The following PLEKHM3 variants were observed in gnomAD, a reference collection of about 807,000 sequenced individuals.
The protein encoded by PLEKHM3 is pleckstrin homology domain-containing family M member 3.
Under a neutral mutation model 81.8 loss-of-function variants are expected in PLEKHM3, and 45 were observed. The observed-to-expected ratio is 0.55, with a 90% CI of 0.43 to 0.71. The LOEUF is 0.71. PLEKHM3 is among the 30% of genes least tolerant of loss of function. PLEKHM3 has a pLI of 0.00. For missense variants in PLEKHM3, 788 were observed against 924.3 expected (o/e 0.85, Z 1.91); for synonymous variants, 352 against 356.4 (o/e 0.99, Z 0.14).
chr2:207,992,558 T>A (rs1691932963), intron 2 of PLEKHM3, among the ~76,000 whole-genome samples: 1 of 152,148 alleles, frequency 6.6e-6, no homozygotes, highest in Non-Finnish European at 1.5e-5. Flanking sequence ...TAAGCACCAA[T>A]ACACAGAATT....
At chr2:207,835,147 G>A (rs537621052) in intron 7 of PLEKHM3, among the ~76,000 whole-genome samples, 22 of 151,942 alleles carry the variant, frequency 1.4e-4, no homozygotes, top group Non-Finnish European at 1.5e-4. Flanking sequence ...GTTTCACCAC[G>A]TTGGCCAGGC....
intron 3 of PLEKHM3, among the ~76,000 whole-genome samples, chr2:207,964,314 A>G (rs1274067665): frequency 6.6e-6 from 1 of 152,178 alleles, no homozygotes; most frequent in African/African-American, 2.4e-5. Flanking sequence ...AGAGATTCTG[A>G]TTTCAACAGG....
At chr2:207,849,922 AT>A (rs1375597664) in intron 7 of PLEKHM3, among the ~76,000 whole-genome samples, 1 of 152,180 alleles carries the variant, frequency 6.6e-6, no homozygotes, top group African/African-American at 2.4e-5. Context: ...ACAGGGAAAC[AT>A]TTTTTTAAAA....
intron 6 of PLEKHM3, among the ~76,000 whole-genome samples, chr2:207,889,523 T>C (rs1687988287): frequency 6.6e-6 from 1 of 150,788 alleles, no homozygotes; most frequent in Non-Finnish European, 1.5e-5. Flanking sequence ...GAATCATCTG[T>C]TCTGCTCTCA....
chr2:207,918,287 C>T (rs1689061402), intron 5 of PLEKHM3, among the ~76,000 whole-genome samples: 1 of 152,174 alleles, frequency 6.6e-6, no homozygotes, highest in Non-Finnish European at 1.5e-5. Context: ...CTTTGGGAGG[C>T]TGAGGTGGGT....
At chr2:207,889,076 G>C (rs192780354) in intron 6 of PLEKHM3, among the ~76,000 whole-genome samples, 2 of 152,268 alleles carry the variant, frequency 1.3e-5, no homozygotes, top group Admixed American at 1.3e-4. Context: ...ACTTTGTGGT[G>C]ATCTGAATGG....
At position 207,828,304 on chromosome 2, in the gene PLEKHM3, T is replaced by C. The variant is rs371655937; in HGVS notation, c.*15A>G. On this transcript the variant is annotated 3_prime_UTR_variant, in exon 8 of 8. Transcript: ENST00000427836. Reference sequence around the variant, plus strand: ...TTGTTGATTGGTGAATCCCTGGCCTTCGGGTCGGCTGGAGTCAGGTGTTCT... The same window carrying C: ...TTGTTGATTGGTGAATCCCTGGCCTCCGGGTCGGCTGGAGTCAGGTGTTCT... The C allele has an allele frequency of 5.6e-6, 9 of 1,600,478 alleles. No homozygotes were observed. Among genetic ancestry groups the C allele is most frequent in the Non-Finnish European group, 7.7e-6 (9 of 1,172,036 alleles).
rs1350688141 is a variant in PLEKHM3, at chr2:207,904,810, T to C, written c.1950+3704A>G. On this transcript the variant is annotated intron_variant, in intron 6 of 7. Coordinates refer to ENST00000427836, the MANE Select transcript of PLEKHM3 (RefSeq NM_001080475.3). The stretch of plus-strand genomic sequence containing the variant: ...GGTAGCTTGAAATCTTCAGCCAAAT[T>C]GTTAAATTGAGTCTATCTGCTAAAA... Among the ~76,000 whole-genome samples the C allele has an allele frequency of 2.0e-5, 3 of 152,228 alleles. No individual in the cohort carries two copies. In the East Asian group the frequency reaches 5.8e-4, roughly 29 times the overall value.
chr2:207,927,076 C>T (rs962760076), intron 5 of PLEKHM3, among the ~76,000 whole-genome samples: 2 of 152,138 alleles, frequency 1.3e-5, no homozygotes, highest in Non-Finnish European at 2.9e-5. Flanking sequence ...ATGCCTTTTA[C>T]GACTAGATAA....
chr2:208,010,003 C>T (rs146940351), intron 1 of PLEKHM3, among the ~76,000 whole-genome samples: 1 of 152,312 alleles, frequency 6.6e-6, no homozygotes, highest in East Asian at 1.9e-4. Context: ...AAACCTCACT[C>T]AGACCTTTTA....
chr2:207,949,093 C>T (rs917091064), intron 3 of PLEKHM3, among the ~76,000 whole-genome samples: 1 of 152,222 alleles, frequency 6.6e-6, no homozygotes, highest in Non-Finnish European at 1.5e-5. Context: ...TGTACACTCA[C>T]ATAAACTGTA....
intron 7 of PLEKHM3, among the ~76,000 whole-genome samples, chr2:207,850,185 T>A (rs1303281400): frequency 1.3e-5 from 2 of 152,160 alleles, no homozygotes; most frequent in African/African-American, 4.8e-5. Flanking sequence ...AACGACCTCA[T>A]CACCTCTTAA....
At chr2:207,931,270 T>C in intron 4 of PLEKHM3, 151 bp from the exon 5 acceptor site, 1 of 771,520 alleles carries the variant, frequency 1.3e-6, no homozygotes, top group Admixed American at 3.5e-5. Flanking sequence ...TAAATGTAAA[T>C]TTTGACTTCT....
chr2:208,011,457 C>T (rs570852068), intron 1 of PLEKHM3, among the ~76,000 whole-genome samples: 12 of 152,192 alleles, frequency 7.9e-5, no homozygotes, highest in Admixed American at 2.6e-4. Context: ...ATGGCATTTA[C>T]AGCAACCTGG....
At chr2:207,934,814 G>A (rs1689694454) in intron 4 of PLEKHM3, among the ~76,000 whole-genome samples, 1 of 152,100 alleles carries the variant, frequency 6.6e-6, no homozygotes, top group Non-Finnish European at 1.5e-5. Flanking sequence ...GTATAGATTC[G>A]AACATAATAC....
At chr2:207,996,559 A>C (rs1692127388) in intron 2 of PLEKHM3, among the ~76,000 whole-genome samples, 1 of 152,226 alleles carries the variant, frequency 6.6e-6, no homozygotes, top group East Asian at 1.9e-4. Context: ...TCAGGTGAAA[A>C]GTAACTTAAA....
chr2:207,992,895 T>C (rs1160175400), intron 2 of PLEKHM3, among the ~76,000 whole-genome samples: 1 of 152,142 alleles, frequency 6.6e-6, no homozygotes, highest in Non-Finnish European at 1.5e-5. Flanking sequence ...TGAAAGCACA[T>C]GGCACTTTCA....
At chr2:207,910,151 C>A (rs1462058169) in intron 5 of PLEKHM3, among the ~76,000 whole-genome samples, 1 of 152,182 alleles carries the variant, frequency 6.6e-6, no homozygotes, top group Non-Finnish European at 1.5e-5. Context: ...TACAGCTGGG[C>A]TCCCTTCAAC....
chr2:207,885,335 T>C (rs983630052), intron 6 of PLEKHM3, among the ~76,000 whole-genome samples: 7 of 152,226 alleles, frequency 4.6e-5, no homozygotes, highest in Non-Finnish European at 7.3e-5. Context: ...CTGGAGTTCT[T>C]GAACTTTGCT....
Sources: allele counts gnomAD v4.1 joint callset (sites outside exome capture counted in the v4.1 genomes callset), GRCh38; gene constraint gnomAD v4.1.1; transcripts MANE v1.5; gene names NCBI Gene and HGNC (gene_info 2026-07-23, HGNC 2026-07-21).